TRDN: variants seen among roughly 807,000 people sequenced by gnomAD.
TRDN encodes the protein triadin.
A neutral mutation model predicts 149.7 loss-of-function variants in TRDN; 161 were observed. The observed-to-expected ratio is 1.08, with a 90% CI of 0.95 to 1.23. TRDN has a LOEUF of 1.23. TRDN is among the 50% of genes most tolerant of loss of function. The pLI, the probability that TRDN is intolerant of heterozygous loss-of-function variation, is 0.00. For missense variants in TRDN, 896 were observed against 823.5 expected (o/e 1.09, Z -1.08); for synonymous variants, 294 against 250.5 (o/e 1.17, Z -1.64).
intron 20 of TRDN, among the ~76,000 whole-genome samples, chr6:123,354,853 A>G (rs1275023341): frequency 6.6e-6 from 1 of 151,764 alleles, no homozygotes; most frequent in African/African-American, 2.4e-5. Context: ...AAGTAGGGAA[A>G]GGATGGCCTA....
chr6:123,438,814 A>G, intron 11 of TRDN, 130 bp downstream of exon 11: 1 of 659,790 alleles, frequency 1.5e-6, no homozygotes, highest in Non-Finnish European at 2.5e-6. Context: ...ACATGTTAAG[A>G]GTGTTCACTA....
chr6:123,600,261 C>T (rs549255899), intron 1 of TRDN, among the ~76,000 whole-genome samples: 6 of 152,170 alleles, frequency 3.9e-5, no homozygotes, highest in South Asian at 2.1e-4. Context: ...CAGATCCTCA[C>T]GGTATCTGAA....
intron 1 of TRDN, among the ~76,000 whole-genome samples, chr6:123,587,615 G>T (rs1050878170): frequency 6.6e-6 from 1 of 152,018 alleles, no homozygotes. Context: ...TTTCATGTGC[G>T]TCCGTGTGAA....
chr6:123,576,811 A>C (rs1416783593), intron 1 of TRDN, among the ~76,000 whole-genome samples: 1 of 152,100 alleles, frequency 6.6e-6, no homozygotes, highest in African/African-American at 2.4e-5. Flanking sequence ...CTAGAAAAAG[A>C]AATTCACTTA....
chr6:123,425,870 A>ATATC (rs750903238), intron 12 of TRDN, among the ~76,000 whole-genome samples: 17 of 152,110 alleles, frequency 1.1e-4, no homozygotes, highest in South Asian at 4.1e-4. Flanking sequence ...TATAATATAC[A>ATATC]TATCTATCTA....
intron 14 of TRDN, among the ~76,000 whole-genome samples, chr6:123,383,071 T>G (rs892128084): frequency 6.6e-6 from 1 of 152,092 alleles, no homozygotes; most frequent in Non-Finnish European, 1.5e-5. Flanking sequence ...TATAATTATC[T>G]GGCTTGGAAC....
chr6:123,615,809 G>C (rs145780963), intron 1 of TRDN, among the ~76,000 whole-genome samples: 2 of 152,096 alleles, frequency 1.3e-5, no homozygotes, highest in Non-Finnish European at 2.9e-5. Flanking sequence ...AGCTAGATAG[G>C]AGGAATAAGT....
chr6:123,391,848 G>A (rs1772487103), intron 13 of TRDN, among the ~76,000 whole-genome samples: 2 of 152,016 alleles, frequency 1.3e-5, no homozygotes, highest in South Asian at 4.2e-4. Flanking sequence ...TCTACTATAG[G>A]ATTATTGCCA....
intron 9 of TRDN, among the ~76,000 whole-genome samples, chr6:123,493,805 A>C (rs1778322134): frequency 6.6e-6 from 1 of 152,154 alleles, no homozygotes; most frequent in African/African-American, 2.4e-5. Context: ...CACCACTTAC[A>C]TTGTCTCTAA....
intron 1 of TRDN, among the ~76,000 whole-genome samples, chr6:123,635,323 AACAC>A (rs141018949): frequency 2.4e-4 from 36 of 147,260 alleles, no homozygotes; most frequent in South Asian, 4.3e-4. Context: ...CAGAAAAGAA[AACAC>A]ACACACACAC....
chr6:123,606,143 TAAATA>T (rs1175689360), intron 1 of TRDN, among the ~76,000 whole-genome samples: 2 of 152,132 alleles, frequency 1.3e-5, no homozygotes, highest in Non-Finnish European at 2.9e-5. Context: ...AGAACAAAAT[TAAATA>T]ATTTAGTAGA....
intron 9 of TRDN, among the ~76,000 whole-genome samples, chr6:123,495,847 A>C (rs1186215716): frequency 6.6e-6 from 1 of 151,948 alleles, no homozygotes; most frequent in Non-Finnish European, 1.5e-5. Flanking sequence ...TTTATTTTAA[A>C]TGTAAGAACA....
At chr6:123,359,773 G>A (rs538757159) in intron 20 of TRDN, among the ~76,000 whole-genome samples, 4 of 152,176 alleles carry the variant, frequency 2.6e-5, no homozygotes, top group East Asian at 1.9e-4. Context: ...TCGGCTCACC[G>A]CAAGCTCCGC....
At position 123,363,467 on chromosome 6, in the gene TRDN, C is replaced by A. The variant is rs942967203; in HGVS notation, c.1321+2668G>T. 4.9e-4 allele frequency among the ~76,000 whole-genome samples: 75 copies of A among 152,174 alleles called. 1 individual carries two copies. Among genetic ancestry groups the A allele is most frequent in the Non-Finnish European group, 1.2e-4 (8 of 68,026 alleles). ...AGCTATGGTTGCTTTGAAAAGGACACTTATTTCTGTTCGTGCTGTAGTTGC... is the reference window on the plus strand; with the variant it reads ...AGCTATGGTTGCTTTGAAAAGGACAATTATTTCTGTTCGTGCTGTAGTTGC... On this transcript the variant is annotated intron_variant, in intron 20 of 40. Coordinates refer to ENST00000334268, the MANE Select transcript of TRDN (RefSeq NM_006073.4).
intron 2 of TRDN, among the ~76,000 whole-genome samples, chr6:123,566,535 C>A (rs1398999569): frequency 6.6e-6 from 1 of 152,178 alleles, no homozygotes; most frequent in East Asian, 1.9e-4. Flanking sequence ...TATGAACAAC[C>A]TTTTCATGGC....
chr6:123,548,205 G>T (rs1781212295), intron 3 of TRDN, among the ~76,000 whole-genome samples: 1 of 151,934 alleles, frequency 6.6e-6, no homozygotes, highest in African/African-American at 2.4e-5. Flanking sequence ...TTGCTGTAAT[G>T]CTACATTAAT....
chr6:123,552,446 T>G (rs1781447402), intron 2 of TRDN, among the ~76,000 whole-genome samples: 1 of 151,990 alleles, frequency 6.6e-6, no homozygotes, highest in South Asian at 2.1e-4. Flanking sequence ...AGTCTTAGAG[T>G]GTGTAGGTAA....
chr6:123,557,054 C>G lies in TRDN; in HGVS notation c.233-8442G>C, dbSNP rs1265379741. On this transcript the variant is annotated intron_variant, in intron 2 of 40. Coordinates refer to ENST00000334268, the MANE Select transcript of TRDN (RefSeq NM_006073.4). ...GCTCCCCCACTGAGCACCTTGTGAC[C>G]CCCCCACCCCTGCCCGCCAGAGAAT... Among the ~76,000 whole-genome samples, 3 of 149,970 alleles carry G rather than the reference C, an allele frequency of 2.0e-5. No individual in the cohort carries two copies. In the South Asian group the frequency reaches 6.4e-4, roughly 32 times the overall value.
At chr6:123,612,375 G>T (rs11962948) in intron 1 of TRDN, among the ~76,000 whole-genome samples, 4,682 of 151,318 alleles carry the variant, frequency 0.031, 123 homozygotes, top group South Asian at 0.1. Context: ...AAACCTGCAC[G>T]TTGTGCACAT....
Sources: allele counts gnomAD v4.1 joint callset (sites outside exome capture counted in the v4.1 genomes callset), GRCh38; gene constraint gnomAD v4.1.1; transcripts MANE v1.5; gene names NCBI Gene and HGNC (gene_info 2026-07-23, HGNC 2026-07-21).